Variants in ZBTB46 observed in about 807,000 individuals in gnomAD.
ZBTB46 encodes the protein zinc finger and BTB domain containing 46.
In ZBTB46, 8 loss-of-function variants were observed where a neutral mutation model predicts 44.1. The observed-to-expected ratio is 0.18, with a 90% CI of 0.11 to 0.33. The LOEUF (loss-of-function observed/expected upper bound fraction) is 0.33. Ranked by LOEUF, ZBTB46 falls within the 10% of genes least tolerant of loss-of-function variation. The pLI is 1.00. For synonymous variants in ZBTB46, 409 were observed against 382.3 expected (o/e 1.07, Z -0.81); for missense variants, 651 against 847.7 (o/e 0.77, Z 2.88).
intron 1 of ZBTB46, among the ~76,000 whole-genome samples, chr20:63,804,017 C>T (rs193268149): frequency 3.6e-4 from 55 of 152,288 alleles, no homozygotes; most frequent in Non-Finnish European, 6.3e-4. Context: ...TTCCTTCTGT[C>T]GGGCGTCCCC....
Position 63,799,305 on chromosome 20 carries a change from T to G in ZBTB46, c.-33-8515A>C, listed in dbSNP as rs187921997. Among the ~76,000 whole-genome samples, 325 of 149,754 alleles carry G rather than the reference T, an allele frequency of 2.2e-3. 2 individuals carry two copies. The highest frequency in any genetic ancestry group is 2.4e-3 in the Non-Finnish European group (164 of 67,180). ...TCCACCAGCCTCAGCCTCCCAAAGT[T>G]CTGGGACTACAGGCGTGAGTCATCA... On this transcript the variant is annotated intron_variant, in intron 1 of 4. Transcript: ENST00000245663.
At chr20:63,760,699 C>T (rs1004185650) in intron 3 of ZBTB46, among the ~76,000 whole-genome samples, 8 of 152,118 alleles carry the variant, frequency 5.3e-5, no homozygotes, top group South Asian at 2.1e-4. Flanking sequence ...CCTCGTGATC[C>T]GCCTGCCTCG....
chr20:63,754,127 G>C (rs972160033), intron 3 of ZBTB46, among the ~76,000 whole-genome samples: 3 of 152,236 alleles, frequency 2.0e-5, no homozygotes, highest in Non-Finnish European at 4.4e-5. Flanking sequence ...GAAAACCCCG[G>C]AGGCCCCGCC....
intron 1 of ZBTB46, among the ~76,000 whole-genome samples, chr20:63,807,384 A>G (rs567977839): frequency 1.7e-3 from 251 of 152,014 alleles, no homozygotes; most frequent in African/African-American, 5.8e-3. Flanking sequence ...TCGCTCTGTC[A>G]CCCAGGCTGG....
At chr20:63,792,753 G>A (rs1176845837) in intron 1 of ZBTB46, among the ~76,000 whole-genome samples, 3 of 152,172 alleles carry the variant, frequency 2.0e-5, no homozygotes, top group African/African-American at 4.8e-5. Flanking sequence ...CCTGACCTCA[G>A]ATGATCCACC....
chr20:63,815,339 TAGGTGCAGTAGGTGC>T, intron 1 of ZBTB46, among the ~76,000 whole-genome samples: 1 of 111,548 alleles, frequency 9.0e-6, no homozygotes, highest in South Asian at 3.3e-4. Context: ...CAGGTGGGCA[TAGGTGCAGTAGGTGC>T]AGGTGCAGTG....
intron 4 of ZBTB46, among the ~76,000 whole-genome samples, chr20:63,749,537 C>T (rs559452676): frequency 5.3e-4 from 81 of 152,256 alleles, no homozygotes; most frequent in Admixed American, 2.5e-3. Flanking sequence ...GGGGTTTCAC[C>T]GTGTTAGCCA....
At chr20:63,791,495 C>CAAAAAAAAA (rs59810640) in intron 1 of ZBTB46, among the ~76,000 whole-genome samples, 1 of 61,210 alleles carries the variant, frequency 1.6e-5, no homozygotes. Flanking sequence ...GACTCCATCT[C>CAAAAAAAAA]AAAAAAAAAA....
chr20:63,801,472 G>T (rs1337495989), intron 1 of ZBTB46, among the ~76,000 whole-genome samples: 5 of 152,208 alleles, frequency 3.3e-5, no homozygotes, highest in African/African-American at 1.2e-4. Flanking sequence ...GTGGGGCCAG[G>T]TAAGGGAATA....
rs1568850373 is a variant in ZBTB46, at chr20:63,772,756, CACACACACA to C, written c.1222+2913_1222+2921del. On this transcript the variant is annotated intron_variant, in intron 3 of 4. Transcript: ENST00000245663. ...ACACACACACACACACACACACACA[CACACACACA>C]CAGAAGTGCGGGGTGTGCCCTCACC... Among the ~76,000 whole-genome samples the C allele has an allele frequency of 7.9e-3, 524 of 66,736 alleles. 4 individuals are homozygous for C. Among genetic ancestry groups the C allele is most frequent in the African/African-American group, 0.019 (376 of 20,012 alleles). The allele number at this position is 66,736 out of a possible 152,430, so 43.8% of individuals were successfully genotyped here. A position where few individuals can be genotyped will look rare whatever the true frequency, so the allele number is the denominator to read the frequency against.
chr20:63,801,047 A>C (rs1157027799), intron 1 of ZBTB46, among the ~76,000 whole-genome samples: 1 of 152,198 alleles, frequency 6.6e-6, no homozygotes, highest in Non-Finnish European at 1.5e-5. Context: ...GGGATTGTAG[A>C]TACACCAATC....
chr20:63,752,877 C>T lies in ZBTB46; in HGVS notation c.1223-16G>A, dbSNP rs779085951. ...AACTCATTCACTGAAAGAGAGGGAC[C>T]CGCGAGGCGTCAGCAGGGCTTGGGA... On this transcript the variant is annotated splice_polypyrimidine_tract_variant and intron_variant, in intron 3 of 4. Transcript: ENST00000245663. The surrounding 1 kb of genome is among the most constrained non-coding windows in gnomAD (Gnocchi z 5.6). The T allele has an allele frequency of 6.3e-7, 1 of 1,585,916 alleles. No individual in the cohort carries two copies. The highest frequency in any genetic ancestry group is 8.6e-7 in the Non-Finnish European group (1 of 1,160,408).
chr20:63,802,271 A>G, intron 1 of ZBTB46, among the ~76,000 whole-genome samples: 1 of 151,974 alleles, frequency 6.6e-6, no homozygotes, highest in Admixed American at 6.6e-5. Flanking sequence ...AAAAATACAA[A>G]TATTAGCCGG....
rs1186678437 is a variant in ZBTB46 at position 63,803,469 on chromosome 20, G to A, written c.-33-12679C>T. ...CCACATCATCTCCAGTGAGCAAGTG[G>A]GTGCTGGCGATGAGGACTTTAGGTT... On this transcript the variant is annotated intron_variant, in intron 1 of 4. Transcript: ENST00000245663. The surrounding 1 kb of genome is among the most constrained non-coding windows in gnomAD (Gnocchi z 4.0). The A allele has an allele frequency of 1.0e-6, 1 of 985,176 alleles. No homozygotes were observed. Among genetic ancestry groups the A allele is most frequent in the Non-Finnish European group, 1.2e-6 (1 of 829,916 alleles). The allele number at this position is 985,176 out of a possible 1,614,324, so 61.0% of individuals were successfully genotyped here.
intron 3 of ZBTB46, among the ~76,000 whole-genome samples, chr20:63,756,258 T>C (rs1331726522): frequency 6.6e-6 from 1 of 152,194 alleles, no homozygotes; most frequent in Non-Finnish European, 1.5e-5. Flanking sequence ...AACCTTTTCA[T>C]GATAGTGTCA....
At chr20:63,792,880 G>C (rs1301385889) in intron 1 of ZBTB46, among the ~76,000 whole-genome samples, 2 of 152,250 alleles carry the variant, frequency 1.3e-5, no homozygotes, top group Non-Finnish European at 2.9e-5. Context: ...AGATGAGGTA[G>C]AAAGGAGAGA....
intron 1 of ZBTB46, among the ~76,000 whole-genome samples, chr20:63,813,103 A>C (rs1164584115): frequency 6.6e-6 from 1 of 151,822 alleles, no homozygotes; most frequent in Non-Finnish European, 1.5e-5. Flanking sequence ...TCAAAAAAAC[A>C]AAACAAAACA....
At chr20:63,805,683 G>A (rs567837462) in intron 1 of ZBTB46, among the ~76,000 whole-genome samples, 6 of 152,206 alleles carry the variant, frequency 3.9e-5, no homozygotes, top group South Asian at 2.1e-4. Context: ...CTGCTGCCGC[G>A]AGCTGCCCAG....
chr20:63,794,564 C>G (rs2092586199), intron 1 of ZBTB46, among the ~76,000 whole-genome samples: 1 of 152,184 alleles, frequency 6.6e-6, no homozygotes. Context: ...CTCTCTAAGC[C>G]CAGAACAGGG....
Sources: gnomAD v4.1 joint callset for allele counts (sites outside exome capture counted in the v4.1 genomes callset) on GRCh38, gnomAD v4.1.1 for gene constraint, Gnocchi (gnomAD v3.1) non-coding constraint, MANE v1.5 for transcripts, NCBI Gene and HGNC (gene_info 2026-07-23, HGNC 2026-07-21) for gene names.